Variants in ADAMTS18 observed in about 807,000 individuals in gnomAD.
ADAMTS18 encodes the protein ADAM metallopeptidase with thrombospondin type 1 motif 18.
ADAMTS18 carries 157 observed loss-of-function variants against 165.9 expected under a neutral mutation model. That is an observed-to-expected ratio of 0.95 (90% CI 0.83 to 1.08). ADAMTS18 has a LOEUF of 1.08. Among genes scored for constraint, ADAMTS18 ranks in the 50% least tolerant of loss-of-function variants. The pLI, the probability that ADAMTS18 is intolerant of heterozygous loss-of-function variation, is 0.00. For missense variants in ADAMTS18, 2,040 were observed against 1,534.0 expected (o/e 1.33, Z -5.51); for synonymous variants, 782 against 578.2 (o/e 1.35, Z -5.06).
At chr16:77,347,147 G>A (rs566568151) in intron 10 of ADAMTS18, among the ~76,000 whole-genome samples, 17 of 152,278 alleles carry the variant, frequency 1.1e-4, no homozygotes, top group African/African-American at 4.1e-4. Context: ...GATGAATGGA[G>A]TTCCATTGTA....
At chr16:77,365,608 C>A (rs970895927) in intron 4 of ADAMTS18, among the ~76,000 whole-genome samples, 6 of 152,320 alleles carry the variant, frequency 3.9e-5, no homozygotes, top group African/African-American at 1.2e-4. Context: ...AGCCATTGAG[C>A]AGAGACCTAG....
At chr16:77,289,797 G>A (rs2055327929) in intron 21 of ADAMTS18, among the ~76,000 whole-genome samples, 1 of 152,178 alleles carries the variant, frequency 6.6e-6, no homozygotes. Flanking sequence ...AGTAGTGGAG[G>A]ACATAGTTCA....
intron 12 of ADAMTS18, among the ~76,000 whole-genome samples, chr16:77,329,128 CAG>C (rs1437352030): frequency 6.6e-6 from 1 of 151,190 alleles, no homozygotes. Flanking sequence ...AATTTTGAGA[CAG>C]AGTCTTGCTC....
intron 3 of ADAMTS18, among the ~76,000 whole-genome samples, chr16:77,430,936 A>C (rs2057731085): frequency 6.6e-6 from 1 of 152,212 alleles, no homozygotes; most frequent in South Asian, 2.1e-4. Context: ...TTCCCATTTC[A>C]AAGCCATGTA....
Position 77,325,491 on chromosome 16 carries a change from G to C in ADAMTS18, c.2032+375C>G, listed in dbSNP as rs143482449. On this transcript the variant is annotated intron_variant, in intron 13 of 22. Transcript: ENST00000282849. ...AACTGACATGTCAGTTACTGTGTAC[G>C]GTGCCTCTATGGGGTATATATGGTT... Among the ~76,000 whole-genome samples, 353 of 152,000 alleles carry C rather than the reference G, an allele frequency of 2.3e-3. 3 individuals are homozygous for C. Among genetic ancestry groups the C allele is most frequent in the Non-Finnish European group, 4.5e-3 (308 of 67,964 alleles).
In ADAMTS18 at chr16:77,371,778, T is replaced by C. The variant is rs1229612452; in HGVS notation, c.496-4055A>G. Among the ~76,000 whole-genome samples, 3 of 152,214 alleles carry C rather than the reference T, an allele frequency of 2.0e-5. No homozygotes were observed. The East Asian group carries it at 5.8e-4, about 29-fold the overall frequency. On this transcript the variant is annotated intron_variant, in intron 3 of 22. Transcript: ENST00000282849. ...AAGCAAAAACAGAGAAATGGAAGTG[T>C]ATCAATCTAAAAAGCCTCTGTACAA... is the stretch of plus-strand genomic sequence containing the variant.
intron 15 of ADAMTS18, 132 bp downstream of exon 15, chr16:77,320,947 A>G (rs1026120065): frequency 1.1e-5 from 12 of 1,142,822 alleles, no homozygotes; most frequent in Non-Finnish European, 1.6e-5. Flanking sequence ...CTCTTGCACA[A>G]GTGAAAAATG....
At chr16:77,293,847 G>A (rs1237259830) in intron 19 of ADAMTS18, among the ~76,000 whole-genome samples, 2 of 151,032 alleles carry the variant, frequency 1.3e-5, no homozygotes, top group Non-Finnish European at 2.9e-5. Flanking sequence ...ACAGGAGGTG[G>A]AGTTTAGTCT....
At chr16:77,394,304 C>A (rs1396629684) in intron 3 of ADAMTS18, among the ~76,000 whole-genome samples, 1 of 152,074 alleles carries the variant, frequency 6.6e-6, no homozygotes, top group Non-Finnish European at 1.5e-5. Flanking sequence ...AGAAATAAGA[C>A]CTAGTTTTAA....
At chr16:77,350,246 C>A (rs371364143) in intron 10 of ADAMTS18, among the ~76,000 whole-genome samples, 1 of 152,082 alleles carries the variant, frequency 6.6e-6, no homozygotes, top group South Asian at 2.1e-4. Flanking sequence ...TGGATGAGAA[C>A]AGAGATCAAG....
chr16:77,291,516 C>T, intron 20 of ADAMTS18, 38 bp from the exon 21 acceptor site: 1 of 1,592,988 alleles, frequency 6.3e-7, no homozygotes, highest in Non-Finnish European at 8.6e-7. Flanking sequence ...GTGAAGACTG[C>T]CAGGATCACA....
intron 3 of ADAMTS18, among the ~76,000 whole-genome samples, chr16:77,416,345 T>C (rs763310630): frequency 3.3e-5 from 5 of 151,958 alleles, no homozygotes; most frequent in Non-Finnish European, 7.4e-5. Context: ...TGGTAAGAAA[T>C]CTGGATTATA....
At chr16:77,410,638 C>A (rs2057450051) in intron 3 of ADAMTS18, among the ~76,000 whole-genome samples, 3 of 152,134 alleles carry the variant, frequency 2.0e-5, no homozygotes, top group African/African-American at 4.8e-5. Flanking sequence ...AGTCTCTCGA[C>A]CCCCCTACCA....
intron 9 of ADAMTS18, 48 bp downstream of exon 9, chr16:77,355,892 T>G (rs1396386125): frequency 6.2e-7 from 1 of 1,612,506 alleles, no homozygotes; most frequent in Non-Finnish European, 8.5e-7. Flanking sequence ...AGCACAATTC[T>G]GTCATCACTC....
rs1044316648 is a variant in ADAMTS18 at position 77,395,701 on chromosome 16, A to C, written c.496-27978T>G. ...AGGGCAAAGATCACACCTTTTAAAAAGTCAATCATTTTATCTCTAGCGCCT... is the reference window on the plus strand; with the variant it reads ...AGGGCAAAGATCACACCTTTTAAAACGTCAATCATTTTATCTCTAGCGCCT... On this transcript the variant is annotated intron_variant, in intron 3 of 22. Coordinates refer to ENST00000282849, the MANE Select transcript of ADAMTS18 (RefSeq NM_199355.4). Among the ~76,000 whole-genome samples, 20 of 152,206 alleles carry C rather than the reference A, an allele frequency of 1.3e-4. 1 individual carries two copies. Among genetic ancestry groups the C allele is most frequent in the African/African-American group, 4.8e-4 (20 of 41,440 alleles).
Position 77,434,788 on chromosome 16 carries a change from C to T in ADAMTS18, c.-93G>A. On this transcript the variant is annotated 5_prime_UTR_variant, in exon 1 of 23. Transcript: ENST00000282849. Reference sequence around the variant, plus strand: ...TTCTTTCCGCGGCCCCGGAGCTCGGCGCCCCAGGTGCGGCTCCAGGTGAGA... The same window carrying T: ...TTCTTTCCGCGGCCCCGGAGCTCGGTGCCCCAGGTGCGGCTCCAGGTGAGA... 6 of 1,120,394 alleles carry T rather than the reference C, an allele frequency of 5.4e-6. No individual in the cohort carries two copies. Among genetic ancestry groups the T allele is most frequent in the South Asian group, 2.4e-5 (1 of 40,954 alleles). 69.4% of individuals were successfully genotyped at this position (1,120,394 alleles called of 1,614,324 possible).
intron 3 of ADAMTS18, among the ~76,000 whole-genome samples, chr16:77,426,295 T>C (rs935759221): frequency 2.0e-5 from 3 of 152,148 alleles, no homozygotes; most frequent in Non-Finnish European, 4.4e-5. Flanking sequence ...TTGGGTACCA[T>C]TGTGTTGATG....
intron 3 of ADAMTS18, among the ~76,000 whole-genome samples, chr16:77,406,521 A>C (rs2057395113): frequency 6.6e-6 from 1 of 152,124 alleles, no homozygotes; most frequent in Admixed American, 6.6e-5. Flanking sequence ...TAAATCCATG[A>C]AGATTGGGGG....
Position 77,300,159 on chromosome 16 carries a change from T to A in ADAMTS18, c.2674+104A>T, listed in dbSNP as rs1322615582. ...GGTGATGGTTCTCATAAAAGACAGT[T>A]CTTGGGTGGCTTATTTAAACCATAT... On this transcript the variant is annotated intron_variant, in intron 17 of 22. Transcript: ENST00000282849. 88 of 1,374,764 alleles carry A rather than the reference T, an allele frequency of 6.4e-5. No individual in the cohort carries two copies. The East Asian group carries it at 1.6e-3, about 24-fold the overall frequency. 85.2% of individuals were successfully genotyped at this position (1,374,764 alleles called of 1,614,324 possible).
Sources: allele counts gnomAD v4.1 joint callset (sites outside exome capture counted in the v4.1 genomes callset), GRCh38; gene constraint gnomAD v4.1.1; transcripts MANE v1.5; gene names NCBI Gene and HGNC (gene_info 2026-07-23, HGNC 2026-07-21).